The following DIDO1 variants were observed in gnomAD, a reference collection of about 807,000 sequenced individuals.
DIDO1 encodes the protein death-inducer obliterator 1.
A neutral mutation model predicts 99.4 loss-of-function variants in DIDO1; 16 were observed. The observed-to-expected ratio is 0.16, with a 90% CI of 0.11 to 0.24. The LOEUF is 0.24. DIDO1 is among the 10% of genes least tolerant of loss of function. The pLI, the probability that DIDO1 is intolerant of heterozygous loss-of-function variation, is 1.00. For missense variants in DIDO1, 2,996 were observed against 3,014.0 expected (o/e 0.99, Z 0.14); for synonymous variants, 1,366 against 1,239.1 (o/e 1.10, Z -2.15).
chr20:62,897,091 G>A (rs1474325282), intron 6 of DIDO1, 95 bp from the exon 7 acceptor site: 3 of 1,118,462 alleles, frequency 2.7e-6, no homozygotes, highest in Non-Finnish European at 3.8e-6. Flanking sequence ...ACCTGTAAGT[G>A]CCCACCTGGC....
chr20:62,897,972 T>C (rs1041811311), intron 6 of DIDO1, among the ~76,000 whole-genome samples: 1 of 152,184 alleles, frequency 6.6e-6, no homozygotes, highest in Non-Finnish European at 1.5e-5. Flanking sequence ...TACAGGCAAG[T>C]GCCTGGGAGC....
In DIDO1 at chr20:62,894,452, G is replaced by A. The variant is rs750258580; in HGVS notation, c.2533C>T (p.Arg845Cys). 2 of 1,613,406 alleles carry A rather than the reference G, an allele frequency of 1.2e-6. No homozygotes were observed. The highest frequency in any genetic ancestry group is 1.7e-6 in the Non-Finnish European group (2 of 1,180,028). Residue 845 changes from arginine (R) to cysteine (C), a missense_variant, in exon 11 of 16, where the codon CGC becomes TGC. Around this residue, in one of 5 missense-constraint regions of DIDO1, gnomAD observed 898 missense variants for 972.7 expected, o/e 0.92. Coordinates refer to ENST00000395343, the MANE Select transcript of DIDO1 (RefSeq NM_001193369.2). The surrounding 1 kb of genome is among the most constrained non-coding windows in gnomAD (Gnocchi z 4.4). ...SMLKDTTSQH[R>C]AHLFDLNCKI... ...CAGTTGAGATCGAAGAGGTGTGCGC[G>A]GTGCTGACTGGTGGTGTCTTTCAAC... is the stretch of plus-strand genomic sequence containing the variant.
chr20:62,891,085 T>C lies in DIDO1; in HGVS notation c.3416A>G (p.Tyr1139Cys), dbSNP rs1183177935. 3 of 1,614,008 alleles carry C rather than the reference T, an allele frequency of 1.9e-6. No homozygotes were observed. The highest frequency in any genetic ancestry group is 2.5e-6 in the Non-Finnish European group (3 of 1,179,982). ...EEVAYISLYS[Y>C]FSSRGRFGVV... ...ACCAAAGCGGCCACGGCTGCTGAAA[T>C]AGGAGTAGAGAGAGATATAGGCGAC... Residue 1139 changes from tyrosine (Y) to cysteine (C), a missense_variant, in exon 15 of 16, where the codon TAT becomes TGT. By Grantham distance (194) the Tyr-to-Cys change is radical. Around this residue, in one of 5 missense-constraint regions of DIDO1, gnomAD observed 135 missense variants for 202.3 expected, o/e 0.67. Transcript: ENST00000395343.
At chr20:62,914,514 T>C (rs1428397367) in intron 1 of DIDO1, 108 bp from the exon 2 acceptor site, 1 of 152,240 alleles carries the variant, frequency 6.6e-6, no homozygotes, top group Non-Finnish European at 1.5e-5. Flanking sequence ...TGAGTGATAC[T>C]GTGTGACCCA....
chr20:62,911,394 G>C lies in DIDO1; in HGVS notation c.219C>G (p.Arg73=). The C allele has an allele frequency of 1.2e-6, 2 of 1,612,002 alleles. No homozygotes were observed. Among genetic ancestry groups the C allele is most frequent in the Non-Finnish European group, 1.7e-6 (2 of 1,179,370 alleles). Residue 73 remains arginine (R), a synonymous_variant, in exon 3 of 16, where the codon CGC becomes CGG. Transcript: ENST00000395343. The surrounding 1 kb of genome is among the most constrained non-coding windows in gnomAD (Gnocchi z 7.0). ...GCGCAATGGTCAGGAACTGCTCCAC[G>C]CGCTCAGTGCGCTTGGGCTGCCTCC... ...RSGRQPKRTE[R]VEQFLTIARR...
intron 3 of DIDO1, 136 bp from the exon 4 acceptor site, chr20:62,910,156 T>G (rs2064897486): frequency 1.0e-6 from 1 of 1,000,982 alleles, no homozygotes; most frequent in Non-Finnish European, 1.4e-6. Context: ...AACGTCCTCA[T>G]GCCTTTCCTT....
At chr20:62,905,166 C>T (rs1235329069) in intron 6 of DIDO1, 73 of 1,050,554 alleles carry the variant, frequency 6.9e-5, no homozygotes, top group Admixed American at 9.8e-5. Flanking sequence ...ATTCAAGAGA[C>T]GAGGGCAAGA....
rs535549568 is a variant in DIDO1, at chr20:62,925,273, G to A, written c.-200+1166C>T. Among the ~76,000 whole-genome samples, 5 of 152,202 alleles carry A rather than the reference G, an allele frequency of 3.3e-5. No homozygotes were observed. In the East Asian group the frequency reaches 9.6e-4, roughly 29 times the overall value. ...CACCTTGGTCACTGCTGTATCCCTCGTGCTAACAGTAAGCAATGAATGCTC... is the reference window on the plus strand; with the variant it reads ...CACCTTGGTCACTGCTGTATCCCTCATGCTAACAGTAAGCAATGAATGCTC... On this transcript the variant is annotated intron_variant, in intron 1 of 15. Transcript: ENST00000395343.
rs1391452389 is a variant in DIDO1 at position 62,879,234 on chromosome 20, TAGGCCTGCG to T, written c.6713_6721del (p.Ser2238_Ala2240del). On this transcript the variant is annotated inframe_deletion, in exon 16 of 16. Transcript: ENST00000395343. This position sits in a 1 kb window ranked among gnomAD's most constrained non-coding sequence, Gnocchi z 6.3. The stretch of plus-strand genomic sequence containing the variant: ...AGGGTCTCTGCCCGGCCGGGGCGTC[TAGGCCTGCG>T]AGGCGGTGCCAGCGTCGGAGGCCCT... The T allele has an allele frequency of 1.1e-5, 17 of 1,516,888 alleles. No homozygotes were observed. Among genetic ancestry groups the T allele is most frequent in the Non-Finnish European group, 1.4e-5 (16 of 1,138,000 alleles). The allele number at this position is 1,516,888 out of a possible 1,614,324, so 94.0% of individuals were successfully genotyped here.
chr20:62,893,870 C>T lies in DIDO1; in HGVS notation c.2897G>A (p.Arg966Gln), dbSNP rs767685683. The stretch of plus-strand genomic sequence containing the variant: ...ACTGCTTGGAGCGGTCCTGGGGTCC[C>T]GGCCGGACACTGTGACGGTGGTGAC... The part of the protein sequence containing the change: ...GVVTTVTVSG[R>Q]DPRTAPSSSC... Residue 966 changes from arginine to glutamine, a missense_variant, in exon 12 of 16, where the codon CGG becomes CAG. Arg to Gln is a conservative substitution (Grantham distance 43). Transcript: ENST00000395343. 34 of 1,612,494 alleles carry T rather than the reference C, an allele frequency of 2.1e-5. No individual in the cohort carries two copies. The highest frequency in any genetic ancestry group is 1.6e-4 in the Middle Eastern group (1 of 6,078).
chr20:62,882,694 C>T (rs2064232743), intron 15 of DIDO1, among the ~76,000 whole-genome samples: 1 of 152,124 alleles, frequency 6.6e-6, no homozygotes. Context: ...CCCTCGTCAC[C>T]AACCATGGAA....
chr20:62,890,732 C>T, intron 15 of DIDO1: 2 of 1,392,290 alleles, frequency 1.4e-6, no homozygotes, highest in Non-Finnish European at 1.9e-6. Flanking sequence ...GGGTTTTTCC[C>T]TCTCTAAAAA....
intron 1 of DIDO1, among the ~76,000 whole-genome samples, chr20:62,932,877 A>G (rs2065345238): frequency 6.6e-6 from 1 of 152,248 alleles, no homozygotes; most frequent in South Asian, 2.1e-4. Context: ...ACCAGTGAAG[A>G]TTCTTTACAG....
chr20:62,906,591 T>C (rs549554187), intron 5 of DIDO1, among the ~76,000 whole-genome samples: 2 of 152,354 alleles, frequency 1.3e-5, no homozygotes, highest in Non-Finnish European at 2.9e-5. Flanking sequence ...CCCTGAACAG[T>C]GCTAGTTGCG....
intron 1 of DIDO1, among the ~76,000 whole-genome samples, chr20:62,922,100 CTATATATAT>C (rs753457215): frequency 8.6e-4 from 60 of 69,582 alleles, no homozygotes; most frequent in African/African-American, 3.2e-3. Flanking sequence ...TATATACACA[CTATATATAT>C]ACACACACAC....
intron 1 of DIDO1, among the ~76,000 whole-genome samples, chr20:62,925,781 G>T (rs747489273): frequency 4.6e-5 from 7 of 152,200 alleles, no homozygotes; most frequent in Non-Finnish European, 8.8e-5. Flanking sequence ...AAGGCAAAAT[G>T]TGTCACAAAT....
chr20:62,896,194 G>C lies in DIDO1; in HGVS notation c.2214+39C>G, dbSNP rs2147415072. On this transcript the variant is annotated intron_variant, in intron 8 of 15. Coordinates refer to ENST00000395343, the MANE Select transcript of DIDO1 (RefSeq NM_001193369.2). This position sits in a 1 kb window ranked among gnomAD's most constrained non-coding sequence, Gnocchi z 4.4. Reference sequence around the variant, plus strand: ...TGATCCCTTTAGCACCCAGCGAACAGAACAGGAATACTCCAATGCACCGAC... The same window carrying C: ...TGATCCCTTTAGCACCCAGCGAACACAACAGGAATACTCCAATGCACCGAC... 3 of 1,596,610 alleles carry C rather than the reference G, an allele frequency of 1.9e-6. No homozygotes were observed. The highest frequency in any genetic ancestry group is 2.6e-6 in the Non-Finnish European group (3 of 1,171,190).
rs140761641 is a variant in DIDO1 at position 62,879,862 on chromosome 20, G to A, written c.6094C>T (p.His2032Tyr). 3.8e-6 allele frequency: 6 copies of A among 1,595,316 alleles called. No individual in the cohort carries two copies. The African/African-American group carries it at 8.1e-5, about 22-fold the overall frequency. The change falls in exon 16 of 16, where the codon CAC becomes TAC. Residue 2032 changes from histidine (H) to tyrosine (Y), a missense_variant. By Grantham distance (83) the His-to-Tyr change is moderately conservative. This residue lies in a region of DIDO1 where 1,562 missense variants were observed against 1,412.6 expected (regional missense o/e 1.11). Coordinates refer to ENST00000395343, the MANE Select transcript of DIDO1 (RefSeq NM_001193369.2). This position sits in a 1 kb window ranked among gnomAD's most constrained non-coding sequence, Gnocchi z 6.3. Reference protein sequence around the residue: ...GPRPLLELPSHPPQHRKDRWE... With the variant: ...GPRPLLELPSYPPQHRKDRWE... Reference sequence around the variant, plus strand: ...CGGTCCTTCCGGTGCTGCGGGGGGTGGCTGGGAAGCTCCAGCAGGGGCCTG... The same window carrying A: ...CGGTCCTTCCGGTGCTGCGGGGGGTAGCTGGGAAGCTCCAGCAGGGGCCTG...
chr20:62,901,725 A>G (rs548152301), intron 6 of DIDO1, among the ~76,000 whole-genome samples: 1 of 152,138 alleles, frequency 6.6e-6, no homozygotes, highest in African/African-American at 2.4e-5. Context: ...CTTCATTTAA[A>G]TAAGTAGCAA....
Sources: gnomAD v4.1 joint callset for allele counts (sites outside exome capture counted in the v4.1 genomes callset) on GRCh38, gnomAD v4.1.1 for gene constraint, gnomAD v4.1.1 regional missense constraint, Gnocchi (gnomAD v3.1) non-coding constraint, MANE v1.5 for transcripts, NCBI Gene and HGNC (gene_info 2026-07-23, HGNC 2026-07-21) for gene names.